Variants in PRKG2 observed in about 807,000 individuals in gnomAD.
The protein encoded by PRKG2 is cGMP-dependent protein kinase 2.
PRKG2 carries 33 observed loss-of-function variants against 97.2 expected under a neutral mutation model. The observed-to-expected ratio is 0.34, with a 90% CI of 0.26 to 0.45. The LOEUF (loss-of-function observed/expected upper bound fraction) is 0.45. Ranked by LOEUF, PRKG2 falls within the 20% of genes least tolerant of loss-of-function variation. The pLI, the probability that PRKG2 is intolerant of heterozygous loss-of-function variation, is 1.00. For synonymous variants in PRKG2, 330 were observed against 321.8 expected (o/e 1.03, Z -0.27); for missense variants, 638 against 900.0 (o/e 0.71, Z 3.73).
chr4:81,200,012 T>G (rs1753203363), intron 2 of PRKG2, among the ~76,000 whole-genome samples: 1 of 152,354 alleles, frequency 6.6e-6, no homozygotes, highest in South Asian at 2.1e-4. Context: ...AATGCAGTCA[T>G]ACCAGCAACT....
chr4:81,134,572 A>AT (rs35466083), intron 14 of PRKG2, among the ~76,000 whole-genome samples: 1 of 152,038 alleles, frequency 6.6e-6, no homozygotes, highest in Non-Finnish European at 1.5e-5. Flanking sequence ...ACTAATAGTA[A>AT]TTTTTTCTTT....
intron 8 of PRKG2, among the ~76,000 whole-genome samples, chr4:81,150,646 A>G (rs866267099): frequency 6.6e-6 from 1 of 152,112 alleles, no homozygotes; most frequent in Non-Finnish European, 1.5e-5. Context: ...AAATTATTTC[A>G]GGCCCAGCAA....
At chr4:81,113,923 G>A (rs527807149) in intron 14 of PRKG2, among the ~76,000 whole-genome samples, 4 of 152,282 alleles carry the variant, frequency 2.6e-5, no homozygotes, top group Admixed American at 2.0e-4. Flanking sequence ...TGATTGAGTG[G>A]AAGTGAAAGT....
intron 2 of PRKG2, among the ~76,000 whole-genome samples, chr4:81,197,261 T>C (rs191454924): frequency 1.3e-5 from 2 of 152,204 alleles, no homozygotes; most frequent in African/African-American, 2.4e-5. Context: ...CAGAATGTTT[T>C]TGAGAAAAGA....
intron 2 of PRKG2, among the ~76,000 whole-genome samples, chr4:81,183,467 A>G (rs949498957): frequency 6.6e-6 from 1 of 152,128 alleles, no homozygotes; most frequent in Non-Finnish European, 1.5e-5. Flanking sequence ...CCCAGATAGT[A>G]CGCTTTTCCC....
intron 1 of PRKG2, among the ~76,000 whole-genome samples, chr4:81,207,451 AC>A (rs1753741790): frequency 6.6e-6 from 1 of 152,206 alleles, no homozygotes; most frequent in Non-Finnish European, 1.5e-5. Flanking sequence ...GTTTACTAAG[AC>A]CAAAGTATCA....
intron 17 of PRKG2, among the ~76,000 whole-genome samples, chr4:81,103,251 CT>C (rs1397420857): frequency 6.6e-6 from 1 of 152,126 alleles, no homozygotes; most frequent in African/African-American, 2.4e-5. Flanking sequence ...TGTTGGTGTG[CT>C]GCACCCATTA....
At chr4:81,131,612 T>C (rs896861611) in intron 14 of PRKG2, among the ~76,000 whole-genome samples, 3 of 152,208 alleles carry the variant, frequency 2.0e-5, no homozygotes, top group Admixed American at 2.0e-4. Context: ...TATTACCCTA[T>C]GTTTACGTCT....
At chr4:81,156,378 A>G (rs1464899258) in intron 6 of PRKG2, among the ~76,000 whole-genome samples, 1 of 152,230 alleles carries the variant, frequency 6.6e-6, no homozygotes, top group East Asian at 1.9e-4. Context: ...AAGAAGAGCT[A>G]ACTATCCTAA....
Position 81,204,889 on chromosome 4 carries a change from C to T in PRKG2, c.159G>A (p.Glu53=). ...EIQEREYHLK[E]LREQLSKQTV... ...TCTGCTTCGACAGCTGCTCCCGCAG[C>T]TCCTTCAAATGGTACTCCCGCTCCT... Residue 53 remains glutamate, a synonymous_variant, in exon 2 of 19, where the codon GAG becomes GAA. Coordinates refer to ENST00000264399, the MANE Select transcript of PRKG2 (RefSeq NM_006259.3). The T allele has an allele frequency of 6.2e-7, 1 of 1,614,236 alleles. No homozygotes were observed. Among genetic ancestry groups the T allele is most frequent in the East Asian group, 2.2e-5 (1 of 44,872 alleles).
At position 81,144,226 on chromosome 4, in the gene PRKG2, A is replaced by C. The variant is rs753600348; in HGVS notation, c.1253+6T>G. The C allele has an allele frequency of 6.3e-7, 1 of 1,596,724 alleles. No individual in the cohort carries two copies. Among genetic ancestry groups the C allele is most frequent in the South Asian group, 1.1e-5 (1 of 90,600 alleles). On this transcript the variant is annotated splice_donor_region_variant and intron_variant, in intron 10 of 18. Coordinates refer to ENST00000264399, the MANE Select transcript of PRKG2 (RefSeq NM_006259.3). ...CTCCGGCTCAGGAAAACATTCCTCC[A>C]CTTACTTCGCATGTCTTTTTTCATC... is the stretch of plus-strand genomic sequence containing the variant.
intron 15 of PRKG2, among the ~76,000 whole-genome samples, chr4:81,109,550 T>G (rs1743694238): frequency 6.6e-6 from 1 of 152,076 alleles, no homozygotes; most frequent in African/African-American, 2.4e-5. Context: ...AGTCAGAAGA[T>G]CTAGTATTAT....
chr4:81,101,749 G>GA (rs540772118), intron 17 of PRKG2, among the ~76,000 whole-genome samples: 585 of 130,184 alleles, frequency 4.5e-3, no homozygotes, highest in South Asian at 6.2e-3. Context: ...ATAGAAAAAA[G>GA]AAAAAAAAAA....
At chr4:81,123,505 C>A (rs891282228) in intron 14 of PRKG2, among the ~76,000 whole-genome samples, 1 of 152,156 alleles carries the variant, frequency 6.6e-6, no homozygotes, top group Non-Finnish European at 1.5e-5. Flanking sequence ...CCCAGGTTCA[C>A]GCCATTCTCC....
intron 1 of PRKG2, among the ~76,000 whole-genome samples, chr4:81,208,008 G>T (rs1753770491): frequency 6.6e-6 from 1 of 152,122 alleles, no homozygotes; most frequent in Admixed American, 6.5e-5. Context: ...GCAACTGCAG[G>T]TTATTAAAAT....
chr4:81,159,687 T>C (rs1055711792), intron 6 of PRKG2, among the ~76,000 whole-genome samples: 6 of 151,966 alleles, frequency 3.9e-5, no homozygotes, highest in African/African-American at 1.5e-4. Flanking sequence ...CTATTCACAA[T>C]AGCAAAGACT....
chr4:81,139,690 G>C (rs1223160012), intron 12 of PRKG2, among the ~76,000 whole-genome samples: 1 of 151,228 alleles, frequency 6.6e-6, no homozygotes. Context: ...CAGGAGAATG[G>C]CGTGAACCCC....
At chr4:81,110,777 G>GACGGACA (rs1450401980) in intron 14 of PRKG2, among the ~76,000 whole-genome samples, 166 bp from the exon 15 acceptor site, 11,376 of 85,422 alleles carry the variant, frequency 0.13, 789 homozygotes, top group African/African-American at 0.23. Context: ...ACAGACAGAC[G>GACGGACA]GACAGACAGA....
intron 2 of PRKG2, 42 bp from the exon 3 acceptor site, chr4:81,175,001 A>C: frequency 6.7e-7 from 1 of 1,500,596 alleles, no homozygotes; most frequent in Non-Finnish European, 9.1e-7. Context: ...ATTAATGAAA[A>C]TCATGTTTTA....
Sources: gnomAD v4.1 joint callset for allele counts (sites outside exome capture counted in the v4.1 genomes callset) on GRCh38, gnomAD v4.1.1 for gene constraint, MANE v1.5 for transcripts, NCBI Gene and HGNC (gene_info 2026-07-23, HGNC 2026-07-21) for gene names.